OPCML: variants seen among roughly 807,000 people sequenced by gnomAD.
OPCML encodes opioid binding protein/cell adhesion molecule like.
OPCML carries 13 observed loss-of-function variants against 37.8 expected under a neutral mutation model. The ratio of observed to expected loss-of-function variants is 0.34; its 90% CI spans 0.22 to 0.55. The LOEUF (loss-of-function observed/expected upper bound fraction) is 0.55, where lower values mean the gene tolerates loss of function less well. Among genes scored for constraint, OPCML ranks in the 20% least tolerant of loss-of-function variants. OPCML has a pLI of 0.91. For synonymous variants in OPCML, 176 were observed against 168.8 expected (o/e 1.04, Z -0.33); for missense variants, 341 against 435.6 (o/e 0.78, Z 1.93).
chr11:132,910,175 C>T (rs1482654843), intron 2 of OPCML, among the ~76,000 whole-genome samples: 1 of 152,226 alleles, frequency 6.6e-6, no homozygotes, highest in African/African-American at 2.4e-5. Flanking sequence ...TTAAAGCAGC[C>T]GCAGGACAAA....
chr11:132,905,472 A>T (rs1944208280), intron 2 of OPCML, among the ~76,000 whole-genome samples: 1 of 151,982 alleles, frequency 6.6e-6, no homozygotes, highest in Non-Finnish European at 1.5e-5. Context: ...ACCTCAGGTG[A>T]TTCACCTGCC....
chr11:133,098,078 A>G (rs1462502686), intron 1 of OPCML, among the ~76,000 whole-genome samples: 1 of 152,242 alleles, frequency 6.6e-6, no homozygotes, highest in African/African-American at 2.4e-5. Flanking sequence ...AAAGAAAACT[A>G]CAGATCAATA....
At chr11:132,973,622 C>T (rs1953799675) in intron 1 of OPCML, among the ~76,000 whole-genome samples, 1 of 152,180 alleles carries the variant, frequency 6.6e-6, no homozygotes, top group Admixed American at 6.5e-5. Context: ...AAGTCAAGCA[C>T]AGTTAAGGAC....
intron 1 of OPCML, among the ~76,000 whole-genome samples, chr11:133,132,186 A>G (rs77143001): frequency 0.014 from 2,135 of 152,312 alleles, 65 homozygotes; most frequent in African/African-American, 0.047. Context: ...ATTTAACGCT[A>G]AGAAATACCA....
At chr11:132,915,220 C>A (rs1378327242) in intron 2 of OPCML, among the ~76,000 whole-genome samples, 1 of 152,184 alleles carries the variant, frequency 6.6e-6, no homozygotes, top group Non-Finnish European at 1.5e-5. Context: ...TCCCCATTTT[C>A]AACATTATAT....
intron 1 of OPCML, among the ~76,000 whole-genome samples, chr11:133,354,246 A>C (rs61912388): frequency 1.7e-3 from 77 of 44,640 alleles, no homozygotes; most frequent in African/African-American, 3.4e-3. Context: ...TGGTGGTGAT[A>C]ATGGTGATAG....
intron 1 of OPCML, among the ~76,000 whole-genome samples, chr11:133,466,596 C>A (rs1385371591): frequency 1.3e-5 from 2 of 152,206 alleles, no homozygotes; most frequent in East Asian, 1.9e-4. Flanking sequence ...CGAACATTCG[C>A]TACCAAGCTA....
At chr11:132,698,596 C>A (rs1403499209) in intron 2 of OPCML, among the ~76,000 whole-genome samples, 1 of 152,156 alleles carries the variant, frequency 6.6e-6, no homozygotes, top group East Asian at 1.9e-4. Flanking sequence ...TCTCTTCACT[C>A]TGTTGATTAT....
At chr11:132,586,465 C>T (rs1289399582) in intron 3 of OPCML, among the ~76,000 whole-genome samples, 2 of 152,180 alleles carry the variant, frequency 1.3e-5, no homozygotes, top group East Asian at 1.9e-4. Context: ...CAGATTAAAA[C>T]AGACTGTGGG....
rs145230173 is a variant in OPCML at position 132,523,806 on chromosome 11, C to T, written c.505+5255G>A. Among the ~76,000 whole-genome samples, 67 of 152,274 alleles carry T rather than the reference C, an allele frequency of 4.4e-4. 1 individual carries two copies. The highest frequency in any genetic ancestry group is 1.5e-3 in the African/African-American group (61 of 41,548). The stretch of plus-strand genomic sequence containing the variant: ...TACAACCTAATTCATGTTTTAAATG[C>T]TTTCATTAGAAATAACTTGAGTAAA... On this transcript the variant is annotated intron_variant, in intron 4 of 7. Coordinates refer to ENST00000524381, the MANE Select transcript of OPCML (RefSeq NM_001012393.5).
At chr11:132,712,486 G>A (rs1192397494) in intron 2 of OPCML, among the ~76,000 whole-genome samples, 1 of 152,194 alleles carries the variant, frequency 6.6e-6, no homozygotes, top group Non-Finnish European at 1.5e-5. Flanking sequence ...CGGGCACACT[G>A]TTTCTTTCTT....
At chr11:133,063,453 C>T (rs539639378) in intron 1 of OPCML, among the ~76,000 whole-genome samples, 43 of 152,312 alleles carry the variant, frequency 2.8e-4, no homozygotes, top group Non-Finnish European at 4.9e-4. Context: ...GACTGTGAAG[C>T]GGCTGCCTTC....
chr11:132,475,768 T>C (rs558363331), intron 4 of OPCML, among the ~76,000 whole-genome samples: 94 of 152,174 alleles, frequency 6.2e-4, no homozygotes, highest in Non-Finnish European at 1.1e-3. Flanking sequence ...AAACTAATAA[T>C]ACACCTCCTT....
chr11:132,569,261 T>C (rs1375637617), intron 3 of OPCML, among the ~76,000 whole-genome samples: 12 of 152,130 alleles, frequency 7.9e-5, no homozygotes, highest in Non-Finnish European at 1.6e-4. Flanking sequence ...CGTGTCCTCA[T>C]AAGAAGAGGA....
intron 3 of OPCML, among the ~76,000 whole-genome samples, chr11:132,559,855 C>T (rs2096406685): frequency 6.6e-6 from 1 of 152,202 alleles, no homozygotes; most frequent in African/African-American, 2.4e-5. Context: ...CATATGCCTC[C>T]TGGTTTTAAA....
intron 2 of OPCML, among the ~76,000 whole-genome samples, chr11:132,679,585 G>A (rs973253452): frequency 4.6e-5 from 7 of 152,186 alleles, no homozygotes; most frequent in South Asian, 2.1e-4. Context: ...CTAAGATTGC[G>A]AAGGAAAGAT....
chr11:132,552,714 G>A (rs933345844), intron 3 of OPCML, among the ~76,000 whole-genome samples: 17 of 145,586 alleles, frequency 1.2e-4, no homozygotes, highest in Non-Finnish European at 3.0e-5. Flanking sequence ...ATCGTTTCCT[G>A]TCTAAAGCAT....
At chr11:133,158,538 A>G (rs982407420) in intron 1 of OPCML, among the ~76,000 whole-genome samples, 2 of 151,628 alleles carry the variant, frequency 1.3e-5, no homozygotes, top group Non-Finnish European at 1.5e-5. Context: ...CATCTCTACT[A>G]AAAATACAAA....
At chr11:132,901,878 T>C (rs565119704) in intron 2 of OPCML, among the ~76,000 whole-genome samples, 1 of 152,192 alleles carries the variant, frequency 6.6e-6, no homozygotes, top group Non-Finnish European at 1.5e-5. Flanking sequence ...GTAAACTGAA[T>C]TGTACTTGGA....
Sources: allele counts gnomAD v4.1 joint callset (sites outside exome capture counted in the v4.1 genomes callset), GRCh38; gene constraint gnomAD v4.1.1; transcripts MANE v1.5; gene names NCBI Gene and HGNC (gene_info 2026-07-23, HGNC 2026-07-21).